Variants in TMEM132C observed in about 807,000 individuals in gnomAD.
The protein encoded by TMEM132C is protein phosphatase 1, regulatory subunit 152.
TMEM132C carries 29 observed loss-of-function variants against 61.4 expected under a neutral mutation model. That is an observed-to-expected ratio of 0.47 (90% CI 0.35 to 0.64). The LOEUF is 0.64. Ranked by LOEUF, TMEM132C falls within the 30% of genes least tolerant of loss-of-function variation. The probability of loss-of-function intolerance (pLI) is 0.00; values close to 1 mark genes in which losing one functional copy is unlikely to be tolerated. For missense variants in TMEM132C, 1,408 were observed against 1,476.9 expected, an observed-to-expected ratio of 0.95 and a Z score of 0.76; for synonymous variants, 656 against 633.1, an observed-to-expected ratio of 1.04 and a Z score of -0.54.
At chr12:128,439,623 A>G (rs1360634645) in intron 2 of TMEM132C, among the ~76,000 whole-genome samples, 1 of 152,128 alleles carries the variant, frequency 6.6e-6, no homozygotes, top group African/African-American at 2.4e-5. Flanking sequence ...TCTTTTTTTC[A>G]GCAGGATGAA....
At chr12:128,629,416 A>T (rs1476988877) in intron 4 of TMEM132C, among the ~76,000 whole-genome samples, 1 of 152,166 alleles carries the variant, frequency 6.6e-6, no homozygotes, top group Non-Finnish European at 1.5e-5. Flanking sequence ...GGCTACAGTG[A>T]GCCATGACTG....
intron 2 of TMEM132C, among the ~76,000 whole-genome samples, chr12:128,456,619 G>A (rs1040523796): frequency 6.6e-6 from 1 of 151,506 alleles, no homozygotes; most frequent in Non-Finnish European, 1.5e-5. Context: ...TGTTACCCAG[G>A]CCAGTTGCAA....
At chr12:128,554,800 C>T (rs999583817) in intron 3 of TMEM132C, among the ~76,000 whole-genome samples, 4 of 151,982 alleles carry the variant, frequency 2.6e-5, no homozygotes, top group Non-Finnish European at 4.4e-5. Flanking sequence ...GCTATAAACA[C>T]GCATCTGAGC....
chr12:128,547,126 T>A (rs1873978878), intron 3 of TMEM132C, among the ~76,000 whole-genome samples: 1 of 152,180 alleles, frequency 6.6e-6, no homozygotes, highest in Admixed American at 6.5e-5. Context: ...GGCAATGGTG[T>A]CGCCCTTCCT....
chr12:128,489,811 A>G (rs1418371685), intron 2 of TMEM132C, among the ~76,000 whole-genome samples: 1 of 152,080 alleles, frequency 6.6e-6, no homozygotes, highest in Non-Finnish European at 1.5e-5. Context: ...TTGTTTCATG[A>G]GCGTCCTTCT....
intron 1 of TMEM132C, among the ~76,000 whole-genome samples, chr12:128,325,449 CTCTG>C (rs1263792615): frequency 6.6e-6 from 1 of 152,052 alleles, no homozygotes; most frequent in Non-Finnish European, 1.5e-5. Context: ...ACATGGGTGT[CTCTG>C]TGTGTGCATT....
At chr12:128,677,533 G>A (rs1954601016) in intron 5 of TMEM132C, among the ~76,000 whole-genome samples, 1 of 152,108 alleles carries the variant, frequency 6.6e-6, no homozygotes, top group South Asian at 2.1e-4. Context: ...AGTTAGCAAG[G>A]AAAATAATGA....
chr12:128,617,643 G>A (rs1405345449), intron 4 of TMEM132C, among the ~76,000 whole-genome samples: 1 of 152,152 alleles, frequency 6.6e-6, no homozygotes, highest in Non-Finnish European at 1.5e-5. Context: ...GGTGGGGCAG[G>A]TGTGGAATCA....
intron 4 of TMEM132C, among the ~76,000 whole-genome samples, chr12:128,660,601 A>G (rs557591268): frequency 6.6e-6 from 1 of 152,320 alleles, no homozygotes; most frequent in African/African-American, 2.4e-5. Flanking sequence ...CAGACACTTT[A>G]TGCAGTCACT....
At chr12:128,346,868 T>C (rs1333288746) in intron 1 of TMEM132C, among the ~76,000 whole-genome samples, 1 of 152,182 alleles carries the variant, frequency 6.6e-6, no homozygotes, top group African/African-American at 2.4e-5. Context: ...CTATGTTAGT[T>C]CCATGAAGTC....
intron 5 of TMEM132C, among the ~76,000 whole-genome samples, chr12:128,676,980 G>A (rs1954594943): frequency 6.6e-6 from 1 of 152,206 alleles, no homozygotes; most frequent in South Asian, 2.1e-4. Context: ...ACATTCAAGA[G>A]GTGAAGGAGC....
chr12:128,454,515 G>A lies in TMEM132C; in HGVS notation c.974+38895G>A, dbSNP rs139107635. Among the ~76,000 whole-genome samples, 837 of 152,330 alleles carry A rather than the reference G, an allele frequency of 5.5e-3. 5 individuals are homozygous for A. Among genetic ancestry groups the A allele is most frequent in the African/African-American group, 0.019 (810 of 41,578 alleles). ...ATATAGAAGGTTAAAATGACCATTT[G>A]GTTTTGCCTCTAACTTTGTGGGGCA... On this transcript the variant is annotated intron_variant, in intron 2 of 8. Transcript: ENST00000435159.
intron 4 of TMEM132C, among the ~76,000 whole-genome samples, chr12:128,656,653 A>C (rs188336983): frequency 6.6e-6 from 1 of 152,328 alleles, no homozygotes; most frequent in East Asian, 1.9e-4. Flanking sequence ...GGTAGAGCCC[A>C]AAAATTTGCA....
intron 1 of TMEM132C, among the ~76,000 whole-genome samples, chr12:128,300,616 C>T (rs1871564549): frequency 6.6e-6 from 1 of 152,136 alleles, no homozygotes; most frequent in Non-Finnish European, 1.5e-5. Flanking sequence ...TTCTGGTCTC[C>T]AGTCAGTTCT....
chr12:128,547,687 C>T (rs1463229814), intron 3 of TMEM132C, among the ~76,000 whole-genome samples: 1 of 152,172 alleles, frequency 6.6e-6, no homozygotes, highest in Non-Finnish European at 1.5e-5. Flanking sequence ...GTGTTGGCCA[C>T]ATCCCCTGGC....
chr12:128,584,782 C>T (rs1158195492), intron 3 of TMEM132C, among the ~76,000 whole-genome samples: 1 of 152,224 alleles, frequency 6.6e-6, no homozygotes, highest in African/African-American at 2.4e-5. Flanking sequence ...CAGCTGGGTG[C>T]TCCACTGGGC....
At chr12:128,391,791 T>C (rs1874771161) in intron 1 of TMEM132C, among the ~76,000 whole-genome samples, 1 of 152,282 alleles carries the variant, frequency 6.6e-6, no homozygotes, top group South Asian at 2.1e-4. Context: ...GTGCATTTTG[T>C]CCCCACACAG....
intron 5 of TMEM132C, among the ~76,000 whole-genome samples, chr12:128,676,296 C>T (rs539118556): frequency 6.6e-6 from 1 of 152,070 alleles, no homozygotes; most frequent in Admixed American, 6.6e-5. Context: ...TTTAAGATTT[C>T]CTGGTATTTC....
At chr12:128,558,740 C>T (rs933407965) in intron 3 of TMEM132C, among the ~76,000 whole-genome samples, 5 of 152,234 alleles carry the variant, frequency 3.3e-5, no homozygotes, top group African/African-American at 1.2e-4. Context: ...GCCTTTACTC[C>T]CACCCTCAGG....
Sources: gnomAD v4.1 joint callset for allele counts (sites outside exome capture counted in the v4.1 genomes callset) on GRCh38, gnomAD v4.1.1 for gene constraint, MANE v1.5 for transcripts, NCBI Gene and HGNC (gene_info 2026-07-23, HGNC 2026-07-21) for gene names.